Variants in CAMK2G observed in about 807,000 individuals in gnomAD.
CAMK2G encodes the protein calcium/calmodulin-dependent protein kinase type II subunit gamma.
A neutral mutation model predicts 88.7 loss-of-function variants in CAMK2G; 23 were observed. The ratio of observed to expected loss-of-function variants is 0.26; its 90% CI spans 0.19 to 0.37. The LOEUF is 0.37. CAMK2G is among the 10% of genes least tolerant of loss of function. The pLI is 1.00. For synonymous variants in CAMK2G, 263 were observed against 294.8 expected, an observed-to-expected ratio of 0.89 and a Z score of 1.11; for missense variants, 476 against 780.8, an observed-to-expected ratio of 0.61 and a Z score of 4.65.
At position 73,874,414 on chromosome 10, in the gene CAMK2G, G is replaced by A; in HGVS notation, c.48C>T (p.Leu16=). Residue 16 remains leucine (L), a synonymous_variant, in exon 1 of 23, where the codon CTC becomes CTT. Coordinates refer to ENST00000423381, the MANE Select transcript of CAMK2G (RefSeq NM_001367534.1). The part of the protein sequence containing the change: ...TCTRFTDDYQ[L]FEELGKGAFS... Reference sequence around the variant, plus strand: ...GGCCGTACTTGCCAAGCTCCTCGAAGAGCTGGTAGTCGTCGGTGAAACGGG... The same window carrying A: ...GGCCGTACTTGCCAAGCTCCTCGAAAAGCTGGTAGTCGTCGGTGAAACGGG... 1 of 1,511,382 alleles carries A rather than the reference G, an allele frequency of 6.6e-7. No individual in the cohort carries two copies. Among genetic ancestry groups the A allele is most frequent in the Non-Finnish European group, 8.9e-7 (1 of 1,120,202 alleles). 93.6% of individuals were successfully genotyped at this position (1,511,382 alleles called of 1,614,324 possible).
At chr10:73,868,910 C>T (rs752692656) in intron 2 of CAMK2G, among the ~76,000 whole-genome samples, 13 of 152,172 alleles carry the variant, frequency 8.5e-5, no homozygotes, top group Middle Eastern at 3.2e-3. Context: ...TGCCACAACC[C>T]GAGCCACCCA....
intron 12 of CAMK2G, among the ~76,000 whole-genome samples, chr10:73,840,707 G>A (rs1590505218): frequency 6.6e-6 from 1 of 152,326 alleles, no homozygotes; most frequent in East Asian, 1.9e-4. Context: ...TGCAAGACAG[G>A]GCCCTTGCTA....
intron 1 of CAMK2G, among the ~76,000 whole-genome samples, 194 bp downstream of exon 1, chr10:73,874,203 T>G (rs1424439381): frequency 7.5e-6 from 1 of 132,884 alleles, no homozygotes; most frequent in African/African-American, 2.8e-5. Flanking sequence ...CCCCGCCAGT[T>G]GCTGCAGGGC....
intron 4 of CAMK2G, 144 bp from the exon 5 acceptor site, chr10:73,852,463 A>G: frequency 1.5e-6 from 1 of 664,884 alleles, no homozygotes; most frequent in Non-Finnish European, 2.7e-6. Context: ...AGCTCAGAAC[A>G]CACTCGATCC....
At position 73,848,442 on chromosome 10, in the gene CAMK2G, A is replaced by G. The variant is rs1398192751; in HGVS notation, c.601+84T>C. ...ACACCAGGCACGTGTGTGACCTGCA[A>G]GGAATAGCGATGCCTCTTTCTTGCC... On this transcript the variant is annotated intron_variant, in intron 8 of 22. Transcript: ENST00000423381. This position sits in a 1 kb window ranked among gnomAD's most constrained non-coding sequence, Gnocchi z 4.5. 2 of 897,434 alleles carry G rather than the reference A, an allele frequency of 2.2e-6. No homozygotes were observed. The highest frequency in any genetic ancestry group is 2.5e-5 in the East Asian group (1 of 39,516). 55.6% of individuals were successfully genotyped at this position (897,434 alleles called of 1,614,324 possible). A position where few individuals can be genotyped will look rare whatever the true frequency, so the allele number is the denominator to read the frequency against.
chr10:73,850,431 C>A (rs1053775040), intron 5 of CAMK2G, among the ~76,000 whole-genome samples: 3 of 152,204 alleles, frequency 2.0e-5, no homozygotes, highest in South Asian at 2.1e-4. Context: ...CGCCCCCCCC[C>A]ACCGCAGGGG....
At chr10:73,845,589 A>AG (rs1207735960) in intron 10 of CAMK2G, among the ~76,000 whole-genome samples, 1 of 151,852 alleles carries the variant, frequency 6.6e-6, no homozygotes, top group African/African-American at 2.4e-5. Flanking sequence ...AAAAAAAAAA[A>AG]AAAAGAGAAA....
At chr10:73,825,645 C>T (rs577573673) in intron 15 of CAMK2G, among the ~76,000 whole-genome samples, 2 of 152,302 alleles carry the variant, frequency 1.3e-5, no homozygotes, top group African/African-American at 2.4e-5. Flanking sequence ...AAAATCCACA[C>T]CTGACCCAAA....
At chr10:73,863,321 G>C (rs1187407903) in intron 2 of CAMK2G, among the ~76,000 whole-genome samples, 1 of 152,196 alleles carries the variant, frequency 6.6e-6, no homozygotes, top group Admixed American at 6.5e-5. Flanking sequence ...GGCATCCCTT[G>C]GTCCCAGGCA....
intron 14 of CAMK2G, among the ~76,000 whole-genome samples, chr10:73,829,419 T>C (rs1351873771): frequency 6.6e-6 from 1 of 151,860 alleles, no homozygotes; most frequent in Non-Finnish European, 1.5e-5. Flanking sequence ...CTTAGCCTCC[T>C]GAGTGGCTGG....
In CAMK2G at chr10:73,874,425, C is replaced by T; in HGVS notation, c.37G>A (p.Asp13Asn). 6.6e-7 allele frequency: 1 copy of T among 1,518,374 alleles called. No individual in the cohort carries two copies. The highest frequency in any genetic ancestry group is 8.9e-7 in the Non-Finnish European group (1 of 1,124,008). 94.1% of individuals were successfully genotyped at this position (1,518,374 alleles called of 1,614,324 possible). The stretch of plus-strand genomic sequence containing the variant: ...CCAAGCTCCTCGAAGAGCTGGTAGT[C>T]GTCGGTGAAACGGGTGCAGGTGGCG... The part of the protein sequence containing the change: ...TTATCTRFTD[D>N]YQLFEELGKG... Residue 13 changes from aspartate (D) to asparagine (N), a missense_variant, in exon 1 of 23, where the codon GAC becomes AAC. This residue lies in a region of CAMK2G where 34 missense variants were observed against 28.7 expected (regional missense o/e 1.19). Transcript: ENST00000423381.
At chr10:73,830,923 G>A (rs939985291) in intron 14 of CAMK2G, among the ~76,000 whole-genome samples, 2 of 152,224 alleles carry the variant, frequency 1.3e-5, no homozygotes, top group Non-Finnish European at 2.9e-5. Flanking sequence ...AATTGAGGAA[G>A]GGGGAGTTGG....
rs557459794 is a variant in CAMK2G at position 73,834,559 on chromosome 10, A to G, written c.1053+2909T>C. Among the ~76,000 whole-genome samples, 4 of 151,778 alleles carry G rather than the reference A, an allele frequency of 2.6e-5. No homozygotes were observed. The South Asian group carries it at 8.3e-4, about 32-fold the overall frequency. On this transcript the variant is annotated intron_variant, in intron 14 of 22. Coordinates refer to ENST00000423381, the MANE Select transcript of CAMK2G (RefSeq NM_001367534.1). ...TGCTGCACATTTCTCTTTTCCCCCT[A>G]CCTCTCTGTCCTTCCTCTGTTTCCT...
At chr10:73,833,688 C>G (rs527796940) in intron 14 of CAMK2G, among the ~76,000 whole-genome samples, 8 of 151,680 alleles carry the variant, frequency 5.3e-5, no homozygotes, top group Non-Finnish European at 1.0e-4. Flanking sequence ...CTCTGCCCCC[C>G]GCAAGGTTCA....
intron 15 of CAMK2G, among the ~76,000 whole-genome samples, chr10:73,826,671 G>A (rs933517704): frequency 3.3e-5 from 5 of 152,226 alleles, no homozygotes; most frequent in African/African-American, 1.2e-4. Context: ...AATAGGCAGT[G>A]AGACAAATGT....
intron 2 of CAMK2G, among the ~76,000 whole-genome samples, chr10:73,868,635 C>G (rs2135863378): frequency 1.3e-5 from 2 of 152,292 alleles, no homozygotes; most frequent in South Asian, 4.1e-4. Flanking sequence ...GGCCTGTGTT[C>G]CAGTGCTGTG....
At chr10:73,862,148 G>A (rs1276835349) in intron 2 of CAMK2G, among the ~76,000 whole-genome samples, 1 of 152,160 alleles carries the variant, frequency 6.6e-6, no homozygotes, top group Non-Finnish European at 1.5e-5. Flanking sequence ...TACGTGGGAA[G>A]AGAGGATGCT....
At position 73,873,017 on chromosome 10, in the gene CAMK2G, G is replaced by T. The variant is rs1160102887; in HGVS notation, c.132C>A (p.Ile44=). Residue 44 remains isoleucine, a synonymous_variant, in exon 2 of 23, where the codon ATC becomes ATA. Transcript: ENST00000423381. ...KTSTQEYAAK[I]INTKKLSARD... Reference sequence around the variant, plus strand: ...GGGCAGACAACTTCTTGGTATTGATGATTTTTGCTGCGTACTCCTGCGTGG... The same window carrying T: ...GGGCAGACAACTTCTTGGTATTGATTATTTTTGCTGCGTACTCCTGCGTGG... The T allele has an allele frequency of 6.2e-7, 1 of 1,613,286 alleles. No individual in the cohort carries two copies. Among genetic ancestry groups the T allele is most frequent in the Non-Finnish European group, 8.5e-7 (1 of 1,179,252 alleles).
At chr10:73,816,933 T>C in intron 21 of CAMK2G, 90 bp downstream of exon 21, 1 of 1,612,458 alleles carries the variant, frequency 6.2e-7, no homozygotes, top group East Asian at 2.2e-5. Context: ...AAGGGAAAAG[T>C]GGGCAACTGG....
Sources: gnomAD v4.1 joint callset for allele counts (sites outside exome capture counted in the v4.1 genomes callset) on GRCh38, gnomAD v4.1.1 for gene constraint, gnomAD v4.1.1 regional missense constraint, Gnocchi (gnomAD v3.1) non-coding constraint, MANE v1.5 for transcripts, NCBI Gene and HGNC (gene_info 2026-07-23, HGNC 2026-07-21) for gene names.